The following DNAJC5 variants were observed in gnomAD, a reference collection of about 807,000 sequenced individuals.
The protein encoded by DNAJC5 is DnaJ heat shock protein family (Hsp40) member C5, also known as dnaJ homolog subfamily C member 5.
A neutral mutation model predicts 23.2 loss-of-function variants in DNAJC5; 1 was observed. The observed-to-expected ratio is 0.04, with a 90% CI of 0.02 to 0.20. DNAJC5 has a LOEUF of 0.20. DNAJC5 is among the 10% of genes least tolerant of loss of function. The probability of loss-of-function intolerance (pLI) is 1.00; values close to 1 mark genes in which losing one functional copy is unlikely to be tolerated. For missense variants in DNAJC5, 180 were observed against 267.0 expected (o/e 0.67, Z 2.27); for synonymous variants, 136 against 120.0 (o/e 1.13, Z -0.87).
intron 1 of DNAJC5, among the ~76,000 whole-genome samples, chr20:63,900,353 G>A (rs959633079): frequency 4.6e-5 from 7 of 151,982 alleles, no homozygotes; most frequent in African/African-American, 9.7e-5. Context: ...CGAGGCAGGC[G>A]GATTGCTAGA....
In DNAJC5 at chr20:63,931,157, G is replaced by A. The variant is rs1429963467; in HGVS notation, c.493+135G>A. ...AGTGTTTGTGGTGGCAGCTGGGACT[G>A]TTGAGGTGTGAACGTGGACCCTGAG... On this transcript the variant is annotated intron_variant, in intron 4 of 4. Coordinates refer to ENST00000360864, the MANE Select transcript of DNAJC5 (RefSeq NM_025219.3). The surrounding 1 kb of genome is among the most constrained non-coding windows in gnomAD (Gnocchi z 9.6). The A allele has an allele frequency of 2.0e-6, 2 of 1,010,182 alleles. No individual in the cohort carries two copies. The highest frequency in any genetic ancestry group is 3.0e-6 in the Non-Finnish European group (2 of 665,604). The allele number at this position is 1,010,182 out of a possible 1,614,324, so 62.6% of individuals were successfully genotyped here. A position where few individuals can be genotyped will look rare whatever the true frequency, so the allele number is the denominator to read the frequency against.
chr20:63,922,991 A>G (rs915573135), intron 1 of DNAJC5, among the ~76,000 whole-genome samples: 1 of 151,690 alleles, frequency 6.6e-6, no homozygotes, highest in Non-Finnish European at 1.5e-5. Context: ...AAATACAAAA[A>G]TTAGCCAGGC....
chr20:63,910,695 CAG>C (rs1568978450), intron 1 of DNAJC5, among the ~76,000 whole-genome samples: 2 of 148,844 alleles, frequency 1.3e-5, no homozygotes, highest in East Asian at 4.0e-4. Context: ...TTAATTGAGA[CAG>C]AGTCTGACTC....
intron 1 of DNAJC5, among the ~76,000 whole-genome samples, chr20:63,899,792 A>G (rs539767056): frequency 1.5e-4 from 23 of 151,464 alleles, no homozygotes; most frequent in African/African-American, 4.1e-4. Context: ...GGTGTTAGCC[A>G]GGATGGTCTC....
intron 1 of DNAJC5, among the ~76,000 whole-genome samples, chr20:63,898,941 AG>A (rs1224731749): frequency 2.0e-5 from 3 of 152,244 alleles, no homozygotes; most frequent in African/African-American, 7.2e-5. Flanking sequence ...GATGTGTCCA[AG>A]AAGCACCGTC....
Position 63,902,700 on chromosome 20 carries a change from G to C in DNAJC5, c.-12+7377G>C, listed in dbSNP as rs1310893300. Among the ~76,000 whole-genome samples the C allele has an allele frequency of 2.7e-5, 3 of 109,674 alleles. No individual in the cohort carries two copies. In the East Asian group the frequency reaches 7.2e-4, roughly 26 times the overall value. The allele number at this position is 109,674 out of a possible 152,430, so 72.0% of individuals were successfully genotyped here. A position where few individuals can be genotyped will look rare whatever the true frequency, so the allele number is the denominator to read the frequency against. On this transcript the variant is annotated intron_variant, in intron 1 of 4. Transcript: ENST00000360864. ...GTTTTTTTTTTTTTTTTTTGAGACA[G>C]AGTCTTGCTCTGTCGCCCAGGCTGG...
chr20:63,915,577 AG>A (rs1377780124), intron 1 of DNAJC5, among the ~76,000 whole-genome samples: 1 of 152,218 alleles, frequency 6.6e-6, no homozygotes. Context: ...ACGGCCTTGA[AG>A]GTAGGCTGGA....
At position 63,916,856 on chromosome 20, in the gene DNAJC5, A is replaced by G. The variant is rs1037345867; in HGVS notation, c.-11-11479A>G. ...ATCTTCCCTACTTGCACGTCCGCTTATAGGCTCTCTGCAAGAAGAAAAATA... is the reference window on the plus strand; with the variant it reads ...ATCTTCCCTACTTGCACGTCCGCTTGTAGGCTCTCTGCAAGAAGAAAAATA... On this transcript the variant is annotated intron_variant, in intron 1 of 4. Transcript: ENST00000360864. Among the ~76,000 whole-genome samples the G allele has an allele frequency of 1.1e-4, 17 of 152,222 alleles. 1 individual carries two copies. The highest frequency in any genetic ancestry group is 1.0e-4 in the Non-Finnish European group (7 of 68,038).
chr20:63,899,836 C>T (rs911871321), intron 1 of DNAJC5, among the ~76,000 whole-genome samples: 33 of 150,522 alleles, frequency 2.2e-4, no homozygotes, highest in Admixed American at 4.0e-4. Flanking sequence ...CCATCTTGGC[C>T]TCCCAAAGTG....
intron 1 of DNAJC5, among the ~76,000 whole-genome samples, chr20:63,902,815 A>G (rs1489308152): frequency 1.3e-5 from 2 of 149,318 alleles, no homozygotes; most frequent in East Asian, 2.0e-4. Context: ...AGCTGGGACT[A>G]CAGGCACCCG....
At position 63,935,993 on chromosome 20, in the gene DNAJC5, AT is replaced by A. The variant is rs1445271031; in HGVS notation, c.*4427del. On this transcript the variant is annotated 3_prime_UTR_variant, in exon 5 of 5. Transcript: ENST00000360864. ...GTCTGAATGTTGGCCTAAAATAAAG[AT>A]TACTGTTGTAAAATAAATGTTTTCA... 6.6e-6 allele frequency: 1 copy of A among 152,120 alleles called. No homozygotes were observed. Among genetic ancestry groups the A allele is most frequent in the Non-Finnish European group, 1.5e-5 (1 of 68,042 alleles). The allele number at this position is 152,120 out of a possible 1,614,324, so 9.4% of individuals were successfully genotyped here. A position where few individuals can be genotyped will look rare whatever the true frequency, so the allele number is the denominator to read the frequency against.
chr20:63,904,595 T>C (rs889515056), intron 1 of DNAJC5, among the ~76,000 whole-genome samples: 2 of 152,194 alleles, frequency 1.3e-5, no homozygotes, highest in Admixed American at 1.3e-4. Flanking sequence ...GTTCATGGTA[T>C]AGGCATCCTT....
At chr20:63,922,393 G>A (rs2053580477) in intron 1 of DNAJC5, among the ~76,000 whole-genome samples, 1 of 151,618 alleles carries the variant, frequency 6.6e-6, no homozygotes, top group African/African-American at 2.4e-5. Context: ...AACCTGGGTG[G>A]TGGAGGGTGC....
At chr20:63,923,373 T>G (rs1223213149) in intron 1 of DNAJC5, among the ~76,000 whole-genome samples, 1 of 150,966 alleles carries the variant, frequency 6.6e-6, no homozygotes, top group East Asian at 2.0e-4. Flanking sequence ...GTCCAGGATT[T>G]CAAGGCTGCA....
At chr20:63,919,939 A>G (rs2053553276) in intron 1 of DNAJC5, 1 of 282,508 alleles carries the variant, frequency 3.5e-6, no homozygotes, top group Non-Finnish European at 6.3e-6. Context: ...ACATGTGCCC[A>G]GGGCCCGGGA....
chr20:63,904,993 G>A (rs943846355), intron 1 of DNAJC5, among the ~76,000 whole-genome samples: 2 of 151,278 alleles, frequency 1.3e-5, no homozygotes, highest in South Asian at 2.1e-4. Flanking sequence ...TAGTCTAGAC[G>A]GGGGTTTCAC....
At chr20:63,902,844 G>GT (rs2146272490) in intron 1 of DNAJC5, among the ~76,000 whole-genome samples, 1 of 150,494 alleles carries the variant, frequency 6.6e-6, no homozygotes, top group Non-Finnish European at 1.5e-5. Flanking sequence ...CCCAGCTAAT[G>GT]TTTTTTGTAT....
chr20:63,921,679 C>T (rs2053574199), intron 1 of DNAJC5, among the ~76,000 whole-genome samples: 1 of 152,186 alleles, frequency 6.6e-6, no homozygotes, highest in South Asian at 2.1e-4. Context: ...CAGCTCGTCA[C>T]TTGCAGCAGG....
chr20:63,899,772 A>G (rs757034080), intron 1 of DNAJC5, among the ~76,000 whole-genome samples: 32 of 150,904 alleles, frequency 2.1e-4, no homozygotes, highest in South Asian at 1.0e-3. Flanking sequence ...TAGTAGAGAC[A>G]GGGTTTCGCG....
Sources: gnomAD v4.1 joint callset for allele counts (sites outside exome capture counted in the v4.1 genomes callset) on GRCh38, gnomAD v4.1.1 for gene constraint, Gnocchi (gnomAD v3.1) non-coding constraint, MANE v1.5 for transcripts, NCBI Gene and HGNC (gene_info 2026-07-23, HGNC 2026-07-21) for gene names.